ERC1: variants seen among roughly 807,000 people sequenced by gnomAD.
The protein encoded by ERC1 is RAB6 interacting protein 2.
In ERC1, 56 loss-of-function variants were observed where a neutral mutation model predicts 132.0. The ratio of observed to expected loss-of-function variants is 0.42; its 90% CI spans 0.34 to 0.53. The LOEUF is 0.53. Among genes scored for constraint, ERC1 ranks in the 20% least tolerant of loss-of-function variants. The probability of loss-of-function intolerance (pLI) is 0.03; values close to 1 mark genes in which losing one functional copy is unlikely to be tolerated. For synonymous variants in ERC1, 478 were observed against 476.1 expected (o/e 1.00, Z -0.05); for missense variants, 1,202 against 1,349.9 (o/e 0.89, Z 1.72).
chr12:1,186,919 C>G (rs898605200), intron 11 of ERC1, among the ~76,000 whole-genome samples: 6 of 152,212 alleles, frequency 3.9e-5, no homozygotes, highest in Non-Finnish European at 8.8e-5. Flanking sequence ...CAGCCTCTAC[C>G]TCCCAGGTTC....
At chr12:1,310,202 C>T (rs1432636116) in intron 15 of ERC1, among the ~76,000 whole-genome samples, 1 of 94,220 alleles carries the variant, frequency 1.1e-5, no homozygotes, top group African/African-American at 3.9e-5. Flanking sequence ...ACACTTTAAA[C>T]AGTTCTTTTT....
chr12:1,310,396 A>G (rs939954162), intron 15 of ERC1, among the ~76,000 whole-genome samples: 1 of 151,942 alleles, frequency 6.6e-6, no homozygotes, highest in African/African-American at 2.4e-5. Flanking sequence ...TTTAGTAGAG[A>G]TGGTGTTTTA....
intron 18 of ERC1, among the ~76,000 whole-genome samples, chr12:1,459,442 G>C (rs1306069171): frequency 6.6e-6 from 1 of 152,082 alleles, no homozygotes; most frequent in Non-Finnish European, 1.5e-5. Context: ...AGAAATCTTT[G>C]AGTCTGTGAT....
At chr12:1,408,113 T>C in intron 16 of ERC1, 36 bp from the exon 17 acceptor site, 1 of 1,470,598 alleles carries the variant, frequency 6.8e-7, no homozygotes, top group Non-Finnish European at 9.5e-7. Context: ...ATAGAAACTT[T>C]ACTTAAATTT....
chr12:1,298,451 G>A (rs570446192), intron 15 of ERC1, among the ~76,000 whole-genome samples: 1 of 151,316 alleles, frequency 6.6e-6, no homozygotes. Flanking sequence ...TCTGAGGCAG[G>A]AGAATTGCTT....
intron 17 of ERC1, among the ~76,000 whole-genome samples, chr12:1,418,769 G>A (rs1014864458): frequency 1.3e-5 from 2 of 149,084 alleles, no homozygotes; most frequent in African/African-American, 5.0e-5. Flanking sequence ...CTGGAGTGTA[G>A]TGGCATGATC....
chr12:1,071,444 G>A (rs1416305696), intron 2 of ERC1, among the ~76,000 whole-genome samples: 7 of 151,976 alleles, frequency 4.6e-5, no homozygotes, highest in Admixed American at 3.9e-4. Context: ...TTTGCTTATT[G>A]GTTAGTTAGT....
At chr12:1,394,323 C>A (rs1258578232) in intron 16 of ERC1, among the ~76,000 whole-genome samples, 1 of 151,982 alleles carries the variant, frequency 6.6e-6, no homozygotes, top group Non-Finnish European at 1.5e-5. Context: ...TGGTGTGAAC[C>A]TGGGAGGCGG....
chr12:1,179,167 A>T (rs1377048656), intron 8 of ERC1, among the ~76,000 whole-genome samples: 1 of 152,166 alleles, frequency 6.6e-6, no homozygotes, highest in Non-Finnish European at 1.5e-5. Flanking sequence ...CCACAGTGTT[A>T]TCTCATAGTA....
intron 17 of ERC1, among the ~76,000 whole-genome samples, chr12:1,409,354 G>C (rs1274804385): frequency 3.3e-5 from 5 of 152,320 alleles, no homozygotes; most frequent in African/African-American, 4.8e-5. Context: ...ATTTATGCCA[G>C]GGTATATAAG....
At chr12:1,438,768 C>G (rs1208346907) in intron 17 of ERC1, among the ~76,000 whole-genome samples, 1 of 151,844 alleles carries the variant, frequency 6.6e-6, no homozygotes, top group Non-Finnish European at 1.5e-5. Context: ...ATTGTGAGAC[C>G]CTTTCTCTAC....
At chr12:1,322,592 G>T (rs1251611044) in intron 15 of ERC1, among the ~76,000 whole-genome samples, 1 of 152,098 alleles carries the variant, frequency 6.6e-6, no homozygotes, top group Non-Finnish European at 1.5e-5. Context: ...CCAGAGAGGG[G>T]TATGTTGAGT....
chr12:1,006,773 T>G (rs1466774358), intron 1 of ERC1, among the ~76,000 whole-genome samples: 6 of 152,096 alleles, frequency 3.9e-5, no homozygotes, highest in Non-Finnish European at 5.9e-5. Context: ...ATCTTCTGTC[T>G]TGGCCTCCGA....
intron 16 of ERC1, among the ~76,000 whole-genome samples, chr12:1,381,774 C>T (rs1406420459): frequency 6.6e-6 from 1 of 152,176 alleles, no homozygotes; most frequent in African/African-American, 2.4e-5. Flanking sequence ...AACTTCTCTT[C>T]AAGACTCATC....
At chr12:1,151,209 G>A (rs1245569906) in intron 8 of ERC1, among the ~76,000 whole-genome samples, 2 of 152,202 alleles carry the variant, frequency 1.3e-5, no homozygotes, top group African/African-American at 2.4e-5. Flanking sequence ...ATTTGGAATG[G>A]CATTCTTTTC....
At chr12:1,349,430 G>A (rs571733116) in intron 15 of ERC1, among the ~76,000 whole-genome samples, 3 of 152,250 alleles carry the variant, frequency 2.0e-5, no homozygotes, top group African/African-American at 4.8e-5. Flanking sequence ...TTGGGAGGCC[G>A]AGGCGGGCAG....
At position 1,490,320 on chromosome 12, in the gene ERC1, C is replaced by A; in HGVS notation, c.*90C>A. ...CAGGTGCCCGGAACCTTCTTGGCAC[C>A]AAACACTACAAACTTCATCCCAACT... On this transcript the variant is annotated 3_prime_UTR_variant, in exon 19 of 19. Coordinates refer to ENST00000360905, the MANE Select transcript of ERC1 (RefSeq NM_178040.4). 8.0e-7 allele frequency: 1 copy of A among 1,256,268 alleles called. No homozygotes were observed. The highest frequency in any genetic ancestry group is 1.1e-6 in the Non-Finnish European group (1 of 904,474). 77.8% of individuals were successfully genotyped at this position (1,256,268 alleles called of 1,614,324 possible). A position where few individuals can be genotyped will look rare whatever the true frequency, so the allele number is the denominator to read the frequency against.
At chr12:1,375,564 T>G (rs1189230026) in intron 16 of ERC1, among the ~76,000 whole-genome samples, 2 of 152,114 alleles carry the variant, frequency 1.3e-5, no homozygotes, top group African/African-American at 4.8e-5. Context: ...CACTTCAGAT[T>G]TACCTCACAG....
At chr12:992,498 T>A (rs927629732) in intron 1 of ERC1, among the ~76,000 whole-genome samples, 1 of 152,250 alleles carries the variant, frequency 6.6e-6, no homozygotes, top group Admixed American at 6.5e-5. Context: ...GTTATGTTTC[T>A]TGCAGTCTTT....
Sources: gnomAD v4.1 joint callset for allele counts (sites outside exome capture counted in the v4.1 genomes callset) on GRCh38, gnomAD v4.1.1 for gene constraint, MANE v1.5 for transcripts, NCBI Gene and HGNC (gene_info 2026-07-23, HGNC 2026-07-21) for gene names.